FNBP1L: variants seen among roughly 807,000 people sequenced by gnomAD.
FNBP1L encodes formin-binding protein 1-like.
In FNBP1L, 36 loss-of-function variants were observed where a neutral mutation model predicts 91.2. The observed-to-expected ratio is 0.39, with a 90% CI of 0.30 to 0.52. The LOEUF (loss-of-function observed/expected upper bound fraction) is 0.52, where lower values mean the gene tolerates loss of function less well. Ranked by LOEUF, FNBP1L falls within the 20% of genes least tolerant of loss-of-function variation. The probability of loss-of-function intolerance (pLI) is 0.66; values close to 1 mark genes in which losing one functional copy is unlikely to be tolerated. For synonymous variants in FNBP1L, 242 were observed against 237.0 expected (o/e 1.02, Z -0.19); for missense variants, 571 against 732.1 (o/e 0.78, Z 2.54).
At chr1:93,452,665 A>G (rs1668535916) in intron 1 of FNBP1L, among the ~76,000 whole-genome samples, 3 of 152,204 alleles carry the variant, frequency 2.0e-5, no homozygotes, top group Admixed American at 2.0e-4. Flanking sequence ...GTGCTCCACA[A>G]TCGTCCTTCC....
chr1:93,488,754 T>G (rs772665206), intron 1 of FNBP1L, among the ~76,000 whole-genome samples: 1 of 152,234 alleles, frequency 6.6e-6, no homozygotes, highest in Non-Finnish European at 1.5e-5. Context: ...ACAACTGAAC[T>G]TGTAACTGCA....
chr1:93,536,676 A>G (rs3767967), intron 10 of FNBP1L, among the ~76,000 whole-genome samples, 186 bp downstream of exon 10: 72,114 of 151,830 alleles, frequency 0.47, 20,599 homozygotes, highest in Non-Finnish European at 0.62. Flanking sequence ...ATGCTCAACC[A>G]TAAAAGAATG....
intron 1 of FNBP1L, among the ~76,000 whole-genome samples, chr1:93,476,901 C>G (rs573127701): frequency 9.9e-5 from 15 of 152,192 alleles, no homozygotes; most frequent in South Asian, 8.3e-4. Context: ...TCGTTTAATC[C>G]TTCCAGTCAT....
At chr1:93,457,936 C>T (rs974675108) in intron 1 of FNBP1L, among the ~76,000 whole-genome samples, 1 of 151,678 alleles carries the variant, frequency 6.6e-6, no homozygotes, top group South Asian at 2.1e-4. Flanking sequence ...GGACTACAGG[C>T]GCCCGCCACC....
intron 1 of FNBP1L, among the ~76,000 whole-genome samples, chr1:93,448,560 G>C (rs1189277969): frequency 2.0e-5 from 3 of 152,118 alleles, no homozygotes; most frequent in African/African-American, 7.2e-5. Flanking sequence ...ACGGCCGGGG[G>C]AGCAGCCCGC....
At chr1:93,477,108 A>G (rs1163710764) in intron 1 of FNBP1L, among the ~76,000 whole-genome samples, 1 of 152,230 alleles carries the variant, frequency 6.6e-6, no homozygotes, top group Non-Finnish European at 1.5e-5. Flanking sequence ...TGAAAAGATC[A>G]CTTTAACTAC....
At chr1:93,471,989 G>C (rs1206415819) in intron 1 of FNBP1L, among the ~76,000 whole-genome samples, 1 of 152,098 alleles carries the variant, frequency 6.6e-6, no homozygotes, top group Non-Finnish European at 1.5e-5. Flanking sequence ...TCTGAGAAAT[G>C]GTGCTGTTAA....
At chr1:93,479,800 T>C (rs1202971731) in intron 1 of FNBP1L, among the ~76,000 whole-genome samples, 1 of 152,202 alleles carries the variant, frequency 6.6e-6, no homozygotes, top group East Asian at 1.9e-4. Context: ...ATCGCTGTTA[T>C]TCTGTTCTTT....
At chr1:93,486,861 T>C (rs962495832) in intron 1 of FNBP1L, among the ~76,000 whole-genome samples, 6 of 152,216 alleles carry the variant, frequency 3.9e-5, no homozygotes, top group Admixed American at 3.3e-4. Flanking sequence ...TTTCTTTTCT[T>C]TCAGATCATT....
intron 1 of FNBP1L, among the ~76,000 whole-genome samples, chr1:93,493,108 AC>A (rs1455588032): frequency 1.3e-5 from 2 of 152,134 alleles, no homozygotes; most frequent in Admixed American, 1.3e-4. Context: ...TACTAAAAAT[AC>A]AAAAATTAGC....
At chr1:93,529,025 G>T (rs963545310) in intron 5 of FNBP1L, among the ~76,000 whole-genome samples, 3 of 152,038 alleles carry the variant, frequency 2.0e-5, no homozygotes, top group Non-Finnish European at 4.4e-5. Context: ...GGTCTGGGCT[G>T]ATGTTCTTCG....
At chr1:93,529,416 A>G (rs948751326) in intron 5 of FNBP1L, among the ~76,000 whole-genome samples, 1 of 152,108 alleles carries the variant, frequency 6.6e-6, no homozygotes, top group Non-Finnish European at 1.5e-5. Context: ...ACAGTGGCAC[A>G]TTTTAAAGTT....
intron 4 of FNBP1L, 86 bp downstream of exon 4, chr1:93,523,577 G>T: frequency 8.0e-7 from 1 of 1,243,012 alleles, no homozygotes; most frequent in South Asian, 1.7e-5. Context: ...TGTGTGTTCA[G>T]CATAAACTGG....
rs1355019236 is a variant in FNBP1L, at chr1:93,553,760, C to T, written c.*1344C>T. Reference sequence around the variant, plus strand: ...GCTCCTGTTGCTCATGGTGTCCTGCCTCGCATTTGTGATTCTGTTAATGAC... The same window carrying T: ...GCTCCTGTTGCTCATGGTGTCCTGCTTCGCATTTGTGATTCTGTTAATGAC... On this transcript the variant is annotated 3_prime_UTR_variant, in exon 17 of 17. Transcript: ENST00000271234. 1 of 152,484 alleles carries T rather than the reference C, an allele frequency of 6.6e-6. No individual in the cohort carries two copies. The highest frequency in any genetic ancestry group is 1.5e-5 in the Non-Finnish European group (1 of 68,030). 9.4% of individuals were successfully genotyped at this position (152,484 alleles called of 1,614,324 possible).
At chr1:93,485,327 A>G (rs1251371928) in intron 1 of FNBP1L, among the ~76,000 whole-genome samples, 1 of 152,192 alleles carries the variant, frequency 6.6e-6, no homozygotes, top group Non-Finnish European at 1.5e-5. Context: ...GATTAATCAA[A>G]TCATTTTAAT....
chr1:93,465,706 T>C (rs747041225), intron 1 of FNBP1L, among the ~76,000 whole-genome samples: 7 of 152,346 alleles, frequency 4.6e-5, no homozygotes, highest in East Asian at 1.9e-4. Context: ...TGTAATCCTT[T>C]GGGTATATAC....
chr1:93,549,629 T>C (rs1672344080), intron 15 of FNBP1L, among the ~76,000 whole-genome samples: 1 of 152,232 alleles, frequency 6.6e-6, no homozygotes, highest in Non-Finnish European at 1.5e-5. Flanking sequence ...AAAAGGAAAT[T>C]GCCCACGTTA....
At chr1:93,529,874 G>A (rs1214132746) in intron 6 of FNBP1L, 118 bp downstream of exon 6, 11 of 617,500 alleles carry the variant, frequency 1.8e-5, no homozygotes, top group Non-Finnish European at 3.1e-5. Context: ...CTGTATCTAA[G>A]TCTAAAATAT....
chr1:93,477,349 G>C (rs532779779), intron 1 of FNBP1L, among the ~76,000 whole-genome samples: 1 of 152,174 alleles, frequency 6.6e-6, no homozygotes, highest in African/African-American at 2.4e-5. Flanking sequence ...CTGTCTTACT[G>C]TACAGTGTTT....
Sources: gnomAD v4.1 joint callset for allele counts (sites outside exome capture counted in the v4.1 genomes callset) on GRCh38, gnomAD v4.1.1 for gene constraint, MANE v1.5 for transcripts, NCBI Gene and HGNC (gene_info 2026-07-23, HGNC 2026-07-21) for gene names.